Variants in JRK observed in about 807,000 individuals in gnomAD.
JRK encodes the protein jerky protein homolog.
For missense variants in JRK, 720 were observed against 509.2 expected (o/e 1.41, Z -3.98); for synonymous variants, 303 against 218.1 (o/e 1.39, Z -3.43).
chr8:142,663,015 C>G lies in JRK; in HGVS notation c.*1337G>C. 9.8e-5 allele frequency: 30 copies of G among 305,598 alleles called. No individual in the cohort carries two copies. Among genetic ancestry groups the G allele is most frequent in the Middle Eastern group, 1.3e-3 (1 of 758 alleles). The allele number at this position is 305,598 out of a possible 1,614,324, so 18.9% of individuals were successfully genotyped here. On this transcript the variant is annotated 3_prime_UTR_variant, in exon 2 of 2. Coordinates refer to ENST00000612905, the MANE Select transcript of JRK (RefSeq NM_003724.4). ...TCTCTACAAAAAAAATAAAAAGGCGCGGTGGTGCGTGCCTCTAGTCCCAGC... is the reference window on the plus strand; with the variant it reads ...TCTCTACAAAAAAAATAAAAAGGCGGGGTGGTGCGTGCCTCTAGTCCCAGC...
At position 142,664,212 on chromosome 8, in the gene JRK, C is replaced by G. The variant is rs931351840; in HGVS notation, c.*140G>C. 7.1e-7 allele frequency: 1 copy of G among 1,411,312 alleles called. No individual in the cohort carries two copies. Among genetic ancestry groups the G allele is most frequent in the Admixed American group, 3.0e-5 (1 of 33,170 alleles). The allele number at this position is 1,411,312 out of a possible 1,614,324, so 87.4% of individuals were successfully genotyped here. A position where few individuals can be genotyped will look rare whatever the true frequency, so the allele number is the denominator to read the frequency against. On this transcript the variant is annotated 3_prime_UTR_variant, in exon 2 of 2. Transcript: ENST00000612905. Reference sequence around the variant, plus strand: ...CCGTCCTGGGCACCCGAGCCACACCCGTGGGCGACCCACTCCTGGAAGGGC... The same window carrying G: ...CCGTCCTGGGCACCCGAGCCACACCGGTGGGCGACCCACTCCTGGAAGGGC...
the JRK span, among the ~76,000 whole-genome samples, chr8:142,645,234 A>G: frequency 3.9e-5 from 6 of 152,244 alleles, no homozygotes; most frequent in Non-Finnish European, 7.3e-5. Flanking sequence ...CTGAAACTCA[A>G]TGTCACAAGT....
downstream of JRK, among the ~76,000 whole-genome samples, chr8:142,652,870 C>T (rs147996960): frequency 9.2e-5 from 14 of 152,328 alleles, no homozygotes; most frequent in East Asian, 1.9e-4. Flanking sequence ...CTAGGCTCAA[C>T]GTCATTTCTA....
Position 142,659,827 on chromosome 8 carries a change from C to A in JRK, c.*4525G>T. ...CAGGTAGCCCTGGGTCTCCCTCTGC[C>A]CTCAGCAACTTCACACCTGCCCCTC... On this transcript the variant is annotated 3_prime_UTR_variant, in exon 2 of 2. Coordinates refer to ENST00000612905, the MANE Select transcript of JRK (RefSeq NM_003724.4). 1 of 985,596 alleles carries A rather than the reference C, an allele frequency of 1.0e-6. No homozygotes were observed. Among genetic ancestry groups the A allele is most frequent in the African/African-American group, 1.7e-5 (1 of 57,362 alleles). The allele number at this position is 985,596 out of a possible 1,614,324, so 61.1% of individuals were successfully genotyped here.
intron 1 of JRK, among the ~76,000 whole-genome samples, chr8:142,669,226 G>C (rs1404667773): frequency 3.4e-5 from 5 of 148,728 alleles, no homozygotes; most frequent in Non-Finnish European, 7.4e-5. Context: ...GGGTATGGAG[G>C]ATATGAAGGA....
Position 142,663,389 on chromosome 8 carries a change from G to A in JRK, c.*963C>T. 1 of 985,478 alleles carries A rather than the reference G, an allele frequency of 1.0e-6. No individual in the cohort carries two copies. The highest frequency in any genetic ancestry group is 1.2e-6 in the Non-Finnish European group (1 of 829,932). 61.0% of individuals were successfully genotyped at this position (985,478 alleles called of 1,614,324 possible). A position where few individuals can be genotyped will look rare whatever the true frequency, so the allele number is the denominator to read the frequency against. On this transcript the variant is annotated 3_prime_UTR_variant, in exon 2 of 2. Coordinates refer to ENST00000612905, the MANE Select transcript of JRK (RefSeq NM_003724.4). Reference sequence around the variant, plus strand: ...CAAAAGTATTACTAACGTGCTAACAGCTGGGGATAAGAGCACACATACTGC... The same window carrying A: ...CAAAAGTATTACTAACGTGCTAACAACTGGGGATAAGAGCACACATACTGC...
rs782319927 is a variant in JRK, at chr8:142,664,964, G to A, written c.1095C>T (p.Ser365=). Residue 365 remains serine, a synonymous_variant, in exon 2 of 2, where the codon AGC becomes AGT. Transcript: ENST00000612905. ...ARYNMNDAIF[S]VACAWNAVPS... ...GGACTGCGTTCCAGGCACAGGCCAC[G>A]CTGAATATGGCATCGTTCATGTTGT... 6 of 749,648 alleles carry A rather than the reference G, an allele frequency of 8.0e-6. No individual in the cohort carries two copies. The highest frequency in any genetic ancestry group is 5.2e-5 in the East Asian group (2 of 38,666). The allele number at this position is 749,648 out of a possible 1,614,324, so 46.4% of individuals were successfully genotyped here. A position where few individuals can be genotyped will look rare whatever the true frequency, so the allele number is the denominator to read the frequency against.
rs1239545984 is a variant in JRK, at chr8:142,661,201, G to A, written c.*3151C>T. 4.1e-5 allele frequency: 40 copies of A among 985,418 alleles called. No homozygotes were observed. The highest frequency in any genetic ancestry group is 1.4e-4 in the South Asian group (3 of 21,298). 61.0% of individuals were successfully genotyped at this position (985,418 alleles called of 1,614,324 possible). On this transcript the variant is annotated 3_prime_UTR_variant, in exon 2 of 2. Coordinates refer to ENST00000612905, the MANE Select transcript of JRK (RefSeq NM_003724.4). ...GGAGACAGACAACTTCCAGGACAGC[G>A]TGCCTGGGGTGCTCGCAGAAGGCCA...
intron 1 of JRK, among the ~76,000 whole-genome samples, chr8:142,668,477 T>C (rs1847200598): frequency 1.3e-5 from 2 of 152,070 alleles, no homozygotes; most frequent in East Asian, 2.0e-4. Flanking sequence ...CATCTCACCA[T>C]GGGGAACAGG....
At chr8:142,645,217 C>CA in the JRK span, among the ~76,000 whole-genome samples, 1 of 152,126 alleles carries the variant, frequency 6.6e-6, no homozygotes, top group East Asian at 1.9e-4. Flanking sequence ...ATCCAGGAGT[C>CA]AAAGCCCTGA....
At chr8:142,648,453 G>A in the JRK span, among the ~76,000 whole-genome samples, 1 of 152,208 alleles carries the variant, frequency 6.6e-6, no homozygotes, top group Non-Finnish European at 1.5e-5. Context: ...CTGCATCCCA[G>A]CCACTCCAGC....
chr8:142,646,082 C>T, the JRK span, among the ~76,000 whole-genome samples: 3 of 151,982 alleles, frequency 2.0e-5, no homozygotes, highest in African/African-American at 4.8e-5. Flanking sequence ...TTTAATTTAA[C>T]TTTAGATGAG....
chr8:142,656,271 G>C (rs1846749535), downstream of JRK, among the ~76,000 whole-genome samples: 1 of 152,272 alleles, frequency 6.6e-6, no homozygotes, highest in Non-Finnish European at 1.5e-5. Flanking sequence ...TGACCAGCTA[G>C]ACTATTTTAG....
Position 142,660,683 on chromosome 8 carries a change from G to A in JRK, c.*3669C>T. ...TTCCAGAGTACTGGGATTTCAGGCAGAAGCCACCACACCCGGATCCCCAAT... is the reference window on the plus strand; with the variant it reads ...TTCCAGAGTACTGGGATTTCAGGCAAAAGCCACCACACCCGGATCCCCAAT... On this transcript the variant is annotated 3_prime_UTR_variant, in exon 2 of 2. Transcript: ENST00000612905. 1.0e-6 allele frequency: 1 copy of A among 985,014 alleles called. No homozygotes were observed. The highest frequency in any genetic ancestry group is 1.2e-6 in the Non-Finnish European group (1 of 829,632). The allele number at this position is 985,014 out of a possible 1,614,324, so 61.0% of individuals were successfully genotyped here.
chr8:142,662,797 G>A lies in JRK; in HGVS notation c.*1555C>T, dbSNP rs926694286. 88 of 985,214 alleles carry A rather than the reference G, an allele frequency of 8.9e-5. No individual in the cohort carries two copies. The highest frequency in any genetic ancestry group is 1.6e-4 in the African/African-American group (9 of 57,216). The allele number at this position is 985,214 out of a possible 1,614,324, so 61.0% of individuals were successfully genotyped here. A position where few individuals can be genotyped will look rare whatever the true frequency, so the allele number is the denominator to read the frequency against. On this transcript the variant is annotated 3_prime_UTR_variant, in exon 2 of 2. Transcript: ENST00000612905. ...TGGAATGCAAACTACGTGCTGACTC[G>A]GCCAAATGATATGAATTTAAGAGAG... is the stretch of plus-strand genomic sequence containing the variant.
chr8:142,661,577 A>G lies in JRK; in HGVS notation c.*2775T>C, dbSNP rs587685158. 1 of 985,544 alleles carries G rather than the reference A, an allele frequency of 1.0e-6. No individual in the cohort carries two copies. Among genetic ancestry groups the G allele is most frequent in the Admixed American group, 6.1e-5 (1 of 16,292 alleles). The allele number at this position is 985,544 out of a possible 1,614,324, so 61.0% of individuals were successfully genotyped here. A position where few individuals can be genotyped will look rare whatever the true frequency, so the allele number is the denominator to read the frequency against. ...AACTGAGGCTGCAACTTGCAGGGGC[A>G]CTGTGAGAAGACAGGGAGTGGCTCC... On this transcript the variant is annotated 3_prime_UTR_variant, in exon 2 of 2. Transcript: ENST00000612905.
At chr8:142,666,560 C>T (rs868974281) in intron 1 of JRK, 40 bp from the exon 2 acceptor site, 16 of 237,542 alleles carry the variant, frequency 6.7e-5, no homozygotes, top group Admixed American at 2.0e-4. Context: ...TGATGGGGCG[C>T]GCCCAGGACA....
chr8:142,662,389 C>T lies in JRK; in HGVS notation c.*1963G>A. The T allele has an allele frequency of 1.0e-6, 1 of 985,434 alleles. No individual in the cohort carries two copies. Among genetic ancestry groups the T allele is most frequent in the South Asian group, 4.7e-5 (1 of 21,286 alleles). 61.0% of individuals were successfully genotyped at this position (985,434 alleles called of 1,614,324 possible). ...CATGTTCTAACCTCCTGTGTTGCCT[C>T]AAGCAGCTGCAATCCAGCAGTCTTG... is the stretch of plus-strand genomic sequence containing the variant. On this transcript the variant is annotated 3_prime_UTR_variant, in exon 2 of 2. Transcript: ENST00000612905.
intron 1 of JRK, among the ~76,000 whole-genome samples, chr8:142,668,043 T>C (rs1221400764): frequency 6.6e-6 from 1 of 152,224 alleles, no homozygotes; most frequent in African/African-American, 2.4e-5. Flanking sequence ...GCAGCTCAGC[T>C]GGCCGCCTCA....
Sources: gnomAD v4.1 joint callset for allele counts (sites outside exome capture counted in the v4.1 genomes callset) on GRCh38, gnomAD v4.1.1 for gene constraint, MANE v1.5 for transcripts, NCBI Gene and HGNC (gene_info 2026-07-23, HGNC 2026-07-21) for gene names.